RPRD1B: variants seen among roughly 807,000 people sequenced by gnomAD.
RPRD1B encodes the protein regulation of nuclear pre-mRNA domain-containing protein 1B.
Under a neutral mutation model 41.5 loss-of-function variants are expected in RPRD1B, and 11 were observed. The ratio of observed to expected loss-of-function variants is 0.27; its 90% CI spans 0.17 to 0.44. The LOEUF (loss-of-function observed/expected upper bound fraction) is 0.44. RPRD1B is among the 20% of genes least tolerant of loss of function. The pLI, the probability that RPRD1B is intolerant of heterozygous loss-of-function variation, is 1.00. For synonymous variants in RPRD1B, 158 were observed against 155.6 expected (o/e 1.02, Z -0.12); for missense variants, 248 against 389.9 (o/e 0.64, Z 3.06).
chr20:38,077,040 C>A (rs1450106518), intron 6 of RPRD1B, among the ~76,000 whole-genome samples: 2 of 150,104 alleles, frequency 1.3e-5, no homozygotes, highest in African/African-American at 4.9e-5. Context: ...GCCTCAGCCT[C>A]CTGAGTAGTT....
chr20:38,056,203 A>C (rs774549765), intron 3 of RPRD1B, among the ~76,000 whole-genome samples: 56 of 152,068 alleles, frequency 3.7e-4, no homozygotes, highest in African/African-American at 1.3e-3. Flanking sequence ...CCTGGCCAAC[A>C]TGGTGAATGA....
chr20:38,091,962 G>T lies in RPRD1B; in HGVS notation c.*2087G>T. 2 of 985,842 alleles carry T rather than the reference G, an allele frequency of 2.0e-6. No homozygotes were observed. The highest frequency in any genetic ancestry group is 2.4e-6 in the Non-Finnish European group (2 of 829,914). 61.1% of individuals were successfully genotyped at this position (985,842 alleles called of 1,614,324 possible). ...TAGTGGACTTCCTGTGAGGAAGTTAGTTTTTTGTTTTGATGAAATGCTTTC... is the reference window on the plus strand; with the variant it reads ...TAGTGGACTTCCTGTGAGGAAGTTATTTTTTTGTTTTGATGAAATGCTTTC... On this transcript the variant is annotated 3_prime_UTR_variant, in exon 7 of 7. Coordinates refer to ENST00000373433, the MANE Select transcript of RPRD1B (RefSeq NM_021215.4).
chr20:38,073,113 A>G (rs2074427491), intron 6 of RPRD1B, among the ~76,000 whole-genome samples: 1 of 152,208 alleles, frequency 6.6e-6, no homozygotes, highest in Non-Finnish European at 1.5e-5. Context: ...TGCAACATCA[A>G]CAGCAGGAAG....
chr20:38,055,377 T>G (rs983678272), intron 3 of RPRD1B, among the ~76,000 whole-genome samples: 13 of 152,248 alleles, frequency 8.5e-5, no homozygotes, highest in African/African-American at 2.9e-4. Context: ...GTATTTTGTT[T>G]GGATCAGCTT....
intron 6 of RPRD1B, among the ~76,000 whole-genome samples, chr20:38,076,383 C>T (rs1235236085): frequency 6.6e-6 from 1 of 152,210 alleles, no homozygotes; most frequent in Non-Finnish European, 1.5e-5. Flanking sequence ...CACCTTCCCT[C>T]GTCACATGGG....
intron 3 of RPRD1B, among the ~76,000 whole-genome samples, chr20:38,053,375 A>G (rs1375373308): frequency 6.6e-6 from 1 of 152,194 alleles, no homozygotes; most frequent in Non-Finnish European, 1.5e-5. Flanking sequence ...CTGGCCTAGC[A>G]CTAGCATTTT....
chr20:38,076,049 T>C (rs1045004451), intron 6 of RPRD1B, among the ~76,000 whole-genome samples: 4 of 152,140 alleles, frequency 2.6e-5, no homozygotes, highest in African/African-American at 7.2e-5. Flanking sequence ...ATTATTGGGG[T>C]TTGGACAGTA....
At chr20:38,060,745 C>T (rs1165065610) in intron 5 of RPRD1B, among the ~76,000 whole-genome samples, 1 of 152,104 alleles carries the variant, frequency 6.6e-6, no homozygotes, top group Non-Finnish European at 1.5e-5. Flanking sequence ...GCTTTCCCAC[C>T]CCAGGAATTC....
At chr20:38,085,487 A>G (rs998251235) in intron 6 of RPRD1B, 6 of 152,214 alleles carry the variant, frequency 3.9e-5, no homozygotes, top group African/African-American at 1.2e-4. Context: ...GATGCAGCAC[A>G]CTTAGACAAG....
Position 38,090,361 on chromosome 20 carries a change from G to A in RPRD1B, c.*486G>A. 1 of 986,466 alleles carries A rather than the reference G, an allele frequency of 1.0e-6. No homozygotes were observed. Among genetic ancestry groups the A allele is most frequent in the Non-Finnish European group, 1.2e-6 (1 of 830,386 alleles). 61.1% of individuals were successfully genotyped at this position (986,466 alleles called of 1,614,324 possible). ...CCAGCTGCATCTGCCCCAAAAGGTT[G>A]TAGGCACAGCTGTCGTAGCGTTGCC... On this transcript the variant is annotated 3_prime_UTR_variant, in exon 7 of 7. Coordinates refer to ENST00000373433, the MANE Select transcript of RPRD1B (RefSeq NM_021215.4).
chr20:38,034,683 A>G (rs1268942562), intron 1 of RPRD1B, among the ~76,000 whole-genome samples: 1 of 152,128 alleles, frequency 6.6e-6, no homozygotes, highest in East Asian at 1.9e-4. Flanking sequence ...TGAAGTAGGT[A>G]GTCTCTCCCA....
At chr20:38,072,710 G>C (rs2074424315) in intron 6 of RPRD1B, among the ~76,000 whole-genome samples, 1 of 152,134 alleles carries the variant, frequency 6.6e-6, no homozygotes. Context: ...AGCACTCTAG[G>C]AGAGTGTCAT....
intron 6 of RPRD1B, among the ~76,000 whole-genome samples, chr20:38,073,797 T>C (rs1356315415): frequency 6.6e-6 from 1 of 152,200 alleles, no homozygotes. Context: ...TGGGTTTATG[T>C]GAACACTTCA....
At chr20:38,083,684 T>C (rs2074535025) in intron 6 of RPRD1B, among the ~76,000 whole-genome samples, 1 of 152,248 alleles carries the variant, frequency 6.6e-6, no homozygotes, top group Non-Finnish European at 1.5e-5. Flanking sequence ...CCTCCAGTTA[T>C]AGGCATTTTG....
intron 1 of RPRD1B, among the ~76,000 whole-genome samples, chr20:38,035,746 C>T: frequency 6.6e-6 from 1 of 150,978 alleles, no homozygotes; most frequent in East Asian, 1.9e-4. Context: ...AGTTAAAGTC[C>T]ATCTCAGGTG....
chr20:38,082,623 G>C (rs1184512035), intron 6 of RPRD1B, among the ~76,000 whole-genome samples: 3 of 152,144 alleles, frequency 2.0e-5, no homozygotes, highest in Non-Finnish European at 2.9e-5. Context: ...TCCTGACCTC[G>C]TGATCCGCCT....
At chr20:38,087,908 C>G (rs1322716788) in intron 6 of RPRD1B, among the ~76,000 whole-genome samples, 1 of 152,172 alleles carries the variant, frequency 6.6e-6, no homozygotes, top group Non-Finnish European at 1.5e-5. Flanking sequence ...CTACTGTTTG[C>G]TGGACACTGC....
chr20:38,092,199 TC>T lies in RPRD1B; in HGVS notation c.*2327del. The stretch of plus-strand genomic sequence containing the variant: ...ATATTCCTCAGAAAGTCTTCAATCT[TC>T]CCTTGTTTTTGTTTGTTTGTTTTTC... On this transcript the variant is annotated 3_prime_UTR_variant, in exon 7 of 7. Coordinates refer to ENST00000373433, the MANE Select transcript of RPRD1B (RefSeq NM_021215.4). The T allele has an allele frequency of 1.0e-6, 1 of 985,710 alleles. No homozygotes were observed. 61.1% of individuals were successfully genotyped at this position (985,710 alleles called of 1,614,324 possible). A position where few individuals can be genotyped will look rare whatever the true frequency, so the allele number is the denominator to read the frequency against.
rs966886650 is a variant in RPRD1B at position 38,070,481 on chromosome 20, C to G, written c.831+4225C>G. The G allele has an allele frequency of 9.1e-6, 9 of 985,392 alleles. No individual in the cohort carries two copies. The African/African-American group carries it at 1.6e-4, about 17-fold the overall frequency. The allele number at this position is 985,392 out of a possible 1,614,324, so 61.0% of individuals were successfully genotyped here. Reference sequence around the variant, plus strand: ...AAGCCTTCCAGCTTCACTTCCAGAGCAAAGAGAAGCTTTGTTTGTGGTTGA... The same window carrying G: ...AAGCCTTCCAGCTTCACTTCCAGAGGAAAGAGAAGCTTTGTTTGTGGTTGA... On this transcript the variant is annotated intron_variant, in intron 6 of 6. Transcript: ENST00000373433.
Sources: gnomAD v4.1 joint callset for allele counts (sites outside exome capture counted in the v4.1 genomes callset) on GRCh38, gnomAD v4.1.1 for gene constraint, MANE v1.5 for transcripts, NCBI Gene and HGNC (gene_info 2026-07-23, HGNC 2026-07-21) for gene names.